PDE7B: variants seen among roughly 807,000 people sequenced by gnomAD.
The protein encoded by PDE7B is 3',5'-cyclic-AMP phosphodiesterase 7B.
PDE7B carries 29 observed loss-of-function variants against 56.2 expected under a neutral mutation model. The ratio of observed to expected loss-of-function variants is 0.52; its 90% CI spans 0.38 to 0.70. The LOEUF (loss-of-function observed/expected upper bound fraction) is 0.70. Ranked by LOEUF, PDE7B falls within the 30% of genes least tolerant of loss-of-function variation. The pLI is 0.00. For missense variants in PDE7B, 490 were observed against 565.0 expected, an observed-to-expected ratio of 0.87 and a Z score of 1.35; for synonymous variants, 197 against 196.9, an observed-to-expected ratio of 1.00 and a Z score of 0.00.
At position 136,191,528 on chromosome 6, in the gene PDE7B, G is replaced by A. The variant is rs76806595; in HGVS notation, c.1127-86G>A. The A allele has an allele frequency of 5.9e-3, 6,701 of 1,130,960 alleles. 213 individuals carry two copies. In the African/African-American group the frequency reaches 0.072, roughly 12 times the overall value. The allele number at this position is 1,130,960 out of a possible 1,614,324, so 70.1% of individuals were successfully genotyped here. A position where few individuals can be genotyped will look rare whatever the true frequency, so the allele number is the denominator to read the frequency against. ...CTAAAGATACAAAAATTAGCCGGGC[G>A]TGGTGGGTCCCCAGTCATGCTCGGG... On this transcript the variant is annotated intron_variant, in intron 12 of 12. Transcript: ENST00000308191.
intron 8 of PDE7B, among the ~76,000 whole-genome samples, chr6:136,164,033 C>T (rs1192237129): frequency 6.6e-6 from 1 of 152,200 alleles, no homozygotes; most frequent in Non-Finnish European, 1.5e-5. Context: ...TCCACATTTT[C>T]AGGTATCTGT....
chr6:135,885,465 C>T (rs1276527430), intron 1 of PDE7B, among the ~76,000 whole-genome samples: 13 of 152,156 alleles, frequency 8.5e-5, no homozygotes, highest in Non-Finnish European at 5.9e-5. Flanking sequence ...ACTCTTCCCA[C>T]ATCAACATGT....
At chr6:135,983,243 G>C (rs1326415489) in intron 2 of PDE7B, among the ~76,000 whole-genome samples, 1 of 152,142 alleles carries the variant, frequency 6.6e-6, no homozygotes, top group African/African-American at 2.4e-5. Context: ...TGACTGACTT[G>C]TTGTTGACTC....
intron 2 of PDE7B, among the ~76,000 whole-genome samples, chr6:135,964,465 A>T (rs908739891): frequency 6.6e-6 from 1 of 152,144 alleles, no homozygotes; most frequent in Non-Finnish European, 1.5e-5. Context: ...GCTTCCCAAA[A>T]GTATATAGTG....
chr6:135,984,048 C>T (rs1161326081), intron 2 of PDE7B, among the ~76,000 whole-genome samples: 1 of 152,198 alleles, frequency 6.6e-6, no homozygotes, highest in Non-Finnish European at 1.5e-5. Context: ...TTCTTCAGGA[C>T]CTGATGCTCC....
At chr6:136,104,080 G>A (rs1174842711) in intron 2 of PDE7B, among the ~76,000 whole-genome samples, 1 of 152,194 alleles carries the variant, frequency 6.6e-6, no homozygotes, top group Non-Finnish European at 1.5e-5. Context: ...GCTGTCGTCA[G>A]GTCAGGTCGT....
At position 135,960,205 on chromosome 6, in the gene PDE7B, G is replaced by A. The variant is rs180783257; in HGVS notation, c.82+12681G>A. Among the ~76,000 whole-genome samples, 420 of 152,270 alleles carry A rather than the reference G, an allele frequency of 2.8e-3. 2 individuals are homozygous for A. The highest frequency in any genetic ancestry group is 9.4e-3 in the African/African-American group (391 of 41,550). ...ATTTTGACGGACAGGTCTCCAACAT[G>A]TGACCATACAAATTTGTGTAAATTT... On this transcript the variant is annotated intron_variant, in intron 2 of 12. Transcript: ENST00000308191.
intron 1 of PDE7B, among the ~76,000 whole-genome samples, chr6:135,924,617 CTTTTTTT>C (rs3037775): frequency 2.4e-4 from 12 of 49,582 alleles, no homozygotes; most frequent in South Asian, 2.3e-3. Context: ...CTCTCTCTCT[CTTTTTTT>C]TTTTTTTTTT....
At chr6:135,999,158 T>C (rs1775623000) in intron 2 of PDE7B, among the ~76,000 whole-genome samples, 2 of 152,206 alleles carry the variant, frequency 1.3e-5, no homozygotes, top group South Asian at 4.1e-4. Context: ...AGGACATAGA[T>C]ATTGTATATC....
chr6:136,186,959 G>T (rs138183715), intron 11 of PDE7B, 77 bp from the exon 12 acceptor site: 21 of 801,984 alleles, frequency 2.6e-5, no homozygotes, highest in Admixed American at 1.5e-4. Flanking sequence ...TTCCGACGAG[G>T]TCATTAAAAT....
chr6:135,883,391 G>C (rs1775645377), intron 1 of PDE7B, among the ~76,000 whole-genome samples: 4 of 152,142 alleles, frequency 2.6e-5, no homozygotes, highest in Admixed American at 6.6e-5. Context: ...AGTGAGGACT[G>C]TCTCTCAATG....
chr6:135,930,034 C>T (rs1385626698), intron 1 of PDE7B, among the ~76,000 whole-genome samples: 4 of 152,144 alleles, frequency 2.6e-5, no homozygotes, highest in African/African-American at 9.7e-5. Flanking sequence ...GTGTATTAGT[C>T]TGTTTTCACA....
chr6:135,928,838 TG>T (rs1329463444), intron 1 of PDE7B, among the ~76,000 whole-genome samples: 2 of 151,890 alleles, frequency 1.3e-5, no homozygotes, highest in Admixed American at 1.3e-4. Context: ...CAGTGTGGGT[TG>T]AAAAACAACC....
intron 8 of PDE7B, chr6:136,156,081 GT>G (rs1778597868): frequency 2.5e-6 from 1 of 397,080 alleles, no homozygotes; most frequent in African/African-American, 2.1e-5. Context: ...GTGAGCCGCT[GT>G]TTTTCTTTTC....
chr6:136,161,774 G>A (rs565980355), intron 8 of PDE7B, among the ~76,000 whole-genome samples: 135 of 152,144 alleles, frequency 8.9e-4, no homozygotes, highest in African/African-American at 3.0e-3. Flanking sequence ...TGAACTTTGG[G>A]GTTTGGGGTA....
chr6:135,990,928 C>A (rs1025826459), intron 2 of PDE7B, among the ~76,000 whole-genome samples: 21 of 152,202 alleles, frequency 1.4e-4, no homozygotes, highest in African/African-American at 4.6e-4. Context: ...TTATGGTTAT[C>A]TCTTAATTAT....
intron 3 of PDE7B, among the ~76,000 whole-genome samples, chr6:136,136,835 GA>G (rs1391927715): frequency 6.6e-6 from 1 of 151,258 alleles, no homozygotes; most frequent in East Asian, 1.9e-4. Flanking sequence ...GGTTGACTCA[GA>G]AAATGATTAC....
Position 136,195,441 on chromosome 6 carries a change from C to T in PDE7B, c.*3601C>T, listed in dbSNP as rs982670505. On this transcript the variant is annotated 3_prime_UTR_variant, in exon 13 of 13. Transcript: ENST00000308191. ...CCTTTAAACTGTGTCATTTTGTATA[C>T]ACATGTGAGGTTTGAAAAAAAAAAA... The T allele has an allele frequency of 1.8e-5, 2 of 109,008 alleles. No homozygotes were observed. Among genetic ancestry groups the T allele is most frequent in the African/African-American group, 3.8e-5 (1 of 26,400 alleles). 6.8% of individuals were successfully genotyped at this position (109,008 alleles called of 1,614,324 possible). A position where few individuals can be genotyped will look rare whatever the true frequency, so the allele number is the denominator to read the frequency against.
chr6:135,988,054 CAT>C (rs1775413775), intron 2 of PDE7B, among the ~76,000 whole-genome samples: 1 of 152,126 alleles, frequency 6.6e-6, no homozygotes, highest in Non-Finnish European at 1.5e-5. Context: ...CTCTGTATAT[CAT>C]GTGAGAAAAT....
Sources: allele counts gnomAD v4.1 joint callset (sites outside exome capture counted in the v4.1 genomes callset), GRCh38; gene constraint gnomAD v4.1.1; transcripts MANE v1.5; gene names NCBI Gene and HGNC (gene_info 2026-07-23, HGNC 2026-07-21).